The following ST6GALNAC5 variants were observed in gnomAD, a reference collection of about 807,000 sequenced individuals.
The protein encoded by ST6GALNAC5 is ST6 N-acetylgalactosaminide alpha-2,6-sialyltransferase 5, also known as alpha-N-acetylgalactosaminide alpha-2,6-sialyltransferase 5.
Under a neutral mutation model 33.6 loss-of-function variants are expected in ST6GALNAC5, and 27 were observed. That is an observed-to-expected ratio of 0.80 (90% CI 0.59 to 1.11). The LOEUF is 1.11. ST6GALNAC5 is among the 50% of genes least tolerant of loss of function. The pLI, the probability that ST6GALNAC5 is intolerant of heterozygous loss-of-function variation, is 0.00. For synonymous variants in ST6GALNAC5, 194 were observed against 171.2 expected (o/e 1.13, Z -1.04); for missense variants, 428 against 454.0 (o/e 0.94, Z 0.52).
rs373194848 is a variant in ST6GALNAC5, at chr1:76,951,898, T to C, written c.261+83156T>C. 6.1e-4 allele frequency among the ~76,000 whole-genome samples: 93 copies of C among 152,248 alleles called. 3 individuals are homozygous for C. The South Asian group carries it at 0.019, about 31-fold the overall frequency. On this transcript the variant is annotated intron_variant, in intron 2 of 4. Transcript: ENST00000477717. ...TCCCAAAATAATATGGTTAGTATTT[T>C]TGGTTACCTTAGTAGGTAAGAAGAA...
At chr1:77,030,811 C>G (rs1019002226) in intron 2 of ST6GALNAC5, among the ~76,000 whole-genome samples, 2 of 152,210 alleles carry the variant, frequency 1.3e-5, no homozygotes, top group Non-Finnish European at 2.9e-5. Context: ...CTCTTTTAAG[C>G]TATCAATCCT....
intron 2 of ST6GALNAC5, among the ~76,000 whole-genome samples, chr1:76,968,082 T>C (rs1225884649): frequency 5.3e-5 from 8 of 152,290 alleles, no homozygotes; most frequent in South Asian, 2.1e-4. Flanking sequence ...GAGAGTTCTG[T>C]AGCTGTCTAT....
chr1:76,967,103 TG>T (rs1648527647), intron 2 of ST6GALNAC5, among the ~76,000 whole-genome samples: 1 of 152,254 alleles, frequency 6.6e-6, no homozygotes, highest in Non-Finnish European at 1.5e-5. Context: ...AGGATGATGC[TG>T]GCCTCATAAA....
At chr1:76,897,423 T>C (rs1302643503) in intron 2 of ST6GALNAC5, among the ~76,000 whole-genome samples, 1 of 152,138 alleles carries the variant, frequency 6.6e-6, no homozygotes, top group Non-Finnish European at 1.5e-5. Context: ...GGGGGAATTG[T>C]AAGGAGAGTT....
chr1:76,899,163 A>T (rs1375243482), intron 2 of ST6GALNAC5, among the ~76,000 whole-genome samples: 3 of 152,120 alleles, frequency 2.0e-5, no homozygotes, highest in Non-Finnish European at 4.4e-5. Context: ...TTGCAGAAGA[A>T]AATAAGATGG....
Position 76,985,794 on chromosome 1 carries a change from G to T in ST6GALNAC5, c.262-58410G>T, listed in dbSNP as rs1649471824. Among the ~76,000 whole-genome samples, 5 of 152,232 alleles carry T rather than the reference G, an allele frequency of 3.3e-5. No individual in the cohort carries two copies. In the South Asian group the frequency reaches 1.0e-3, roughly 32 times the overall value. ...ACAGTAACCAAAACAGCATGATACT[G>T]GTACCAAAACAGATATATAGACCAA... On this transcript the variant is annotated intron_variant, in intron 2 of 4. Coordinates refer to ENST00000477717, the MANE Select transcript of ST6GALNAC5 (RefSeq NM_030965.3).
intron 3 of ST6GALNAC5, among the ~76,000 whole-genome samples, chr1:77,048,422 G>A (rs1374798735): frequency 6.6e-6 from 1 of 152,160 alleles, no homozygotes; most frequent in African/African-American, 2.4e-5. Context: ...CATTGTCGCA[G>A]CCCATAGGTG....
chr1:77,043,491 C>T (rs1007186490), intron 2 of ST6GALNAC5, among the ~76,000 whole-genome samples: 1 of 152,192 alleles, frequency 6.6e-6, no homozygotes, highest in Non-Finnish European at 1.5e-5. Flanking sequence ...GAGCTTGACG[C>T]TTTCTTTATG....
chr1:77,014,723 T>C (rs1208474705), intron 2 of ST6GALNAC5, among the ~76,000 whole-genome samples: 1 of 152,148 alleles, frequency 6.6e-6, no homozygotes, highest in Non-Finnish European at 1.5e-5. Flanking sequence ...CAACTGGCCT[T>C]TTTTCTTGCA....
intron 2 of ST6GALNAC5, among the ~76,000 whole-genome samples, chr1:76,884,161 C>T (rs939651996): frequency 2.0e-5 from 3 of 152,072 alleles, no homozygotes; most frequent in Non-Finnish European, 4.4e-5. Flanking sequence ...CAGGTTTCTG[C>T]CTGCCTTAAG....
chr1:76,959,019 GC>G (rs1391204437), intron 2 of ST6GALNAC5, among the ~76,000 whole-genome samples: 126 of 152,214 alleles, frequency 8.3e-4, no homozygotes, highest in Non-Finnish European at 8.8e-5. Context: ...CCTCCTCTTT[GC>G]CAAGCATTCA....
intron 2 of ST6GALNAC5, among the ~76,000 whole-genome samples, chr1:76,979,382 A>G (rs1471024623): frequency 6.6e-6 from 1 of 152,236 alleles, no homozygotes; most frequent in African/African-American, 2.4e-5. Flanking sequence ...AAAATACACT[A>G]CAAGGCTATA....
chr1:76,974,078 G>A (rs1226853234), intron 2 of ST6GALNAC5, among the ~76,000 whole-genome samples: 1 of 152,032 alleles, frequency 6.6e-6, no homozygotes, highest in Non-Finnish European at 1.5e-5. Context: ...AATGCCATGT[G>A]CCATACTGGT....
intron 2 of ST6GALNAC5, among the ~76,000 whole-genome samples, chr1:76,872,117 A>ACACACC (rs1653523363): frequency 7.9e-6 from 1 of 125,924 alleles, no homozygotes; most frequent in Non-Finnish European, 1.6e-5. Flanking sequence ...ACACACACAC[A>ACACACC]CCACACACAT....
chr1:76,987,943 T>C (rs955446278), intron 2 of ST6GALNAC5, among the ~76,000 whole-genome samples: 7 of 152,192 alleles, frequency 4.6e-5, no homozygotes, highest in Non-Finnish European at 8.8e-5. Flanking sequence ...GAAGTTTTCT[T>C]CGATTAGTCC....
chr1:76,933,065 C>G (rs1647160977), intron 2 of ST6GALNAC5, among the ~76,000 whole-genome samples: 1 of 152,036 alleles, frequency 6.6e-6, no homozygotes, highest in Non-Finnish European at 1.5e-5. Context: ...CATTATATTT[C>G]TTAGAGGTAG....
At chr1:76,948,335 TC>T (rs1290607375) in intron 2 of ST6GALNAC5, among the ~76,000 whole-genome samples, 1 of 152,124 alleles carries the variant, frequency 6.6e-6, no homozygotes, top group Non-Finnish European at 1.5e-5. Flanking sequence ...ACCTTCTAGC[TC>T]CCTTAAGCTC....
Position 76,867,701 on chromosome 1 carries a change from T to A in ST6GALNAC5, c.15+11T>A. 6.2e-7 allele frequency: 1 copy of A among 1,613,994 alleles called. No homozygotes were observed. Among genetic ancestry groups the A allele is most frequent in the Non-Finnish European group, 8.5e-7 (1 of 1,179,942 alleles). ...ATGAAGACCCTGATGGTGAGTCAGT[T>A]GTGGCAACTCCACCGGGCAAAGAGG... On this transcript the variant is annotated intron_variant, in intron 1 of 4. Transcript: ENST00000477717.
At chr1:76,901,622 G>A (rs550245686) in intron 2 of ST6GALNAC5, among the ~76,000 whole-genome samples, 11 of 152,248 alleles carry the variant, frequency 7.2e-5, no homozygotes, top group South Asian at 2.1e-4. Flanking sequence ...GGCCTTTTGC[G>A]TGAGAAATGT....
Sources: allele counts gnomAD v4.1 joint callset (sites outside exome capture counted in the v4.1 genomes callset), GRCh38; gene constraint gnomAD v4.1.1; transcripts MANE v1.5; gene names NCBI Gene and HGNC (gene_info 2026-07-23, HGNC 2026-07-21).